The following FBRS variants were observed in gnomAD, a reference collection of about 807,000 sequenced individuals.
FBRS encodes probable fibrosin-1.
FBRS carries 15 observed loss-of-function variants against 86.1 expected under a neutral mutation model. The observed-to-expected ratio is 0.17, with a 90% CI of 0.12 to 0.27. The LOEUF is 0.27. Ranked by LOEUF, FBRS falls within the 10% of genes least tolerant of loss-of-function variation. FBRS has a pLI of 1.00. For missense variants in FBRS, 1,367 were observed against 1,301.6 expected (o/e 1.05, Z -0.77); for synonymous variants, 666 against 575.8 (o/e 1.16, Z -2.24).
At position 30,668,991 on chromosome 16, in the gene FBRS, A is replaced by ACCCCCCCCCCCCCCCCCCCCCCC; in HGVS notation, c.2366+15_2366+16insCCCCCCCCCCCCCCCCCCCCCCC. The ACCCCCCCCCCCCCCCCCCCCCCC allele has an allele frequency of 1.4e-6, 1 of 704,522 alleles. No homozygotes were observed. Among genetic ancestry groups the ACCCCCCCCCCCCCCCCCCCCCCC allele is most frequent in the Non-Finnish European group, 1.9e-6 (1 of 539,044 alleles). 43.6% of individuals were successfully genotyped at this position (704,522 alleles called of 1,614,324 possible). ...GAGGAGAAGGACAGGTGTGCCTCCC[A>ACCCCCCCCCCCCCCCCCCCCCCC]CCCACCCTGCCCCTGCCCCACCCTC... On this transcript the variant is annotated intron_variant, in intron 17 of 17. Coordinates refer to ENST00000356166, the MANE Select transcript of FBRS (RefSeq NM_001105079.3).
chr16:30,669,400 G>A lies in FBRS; in HGVS notation c.2698G>A (p.Ala900Thr), dbSNP rs1171737782. 1 of 1,612,700 alleles carries A rather than the reference G, an allele frequency of 6.2e-7. No individual in the cohort carries two copies. The change falls in exon 18 of 18, where the codon GCG becomes ACG. Residue 900 changes from alanine (A) to threonine (T), a missense_variant. Coordinates refer to ENST00000356166, the MANE Select transcript of FBRS (RefSeq NM_001105079.3). The surrounding 1 kb of genome is among the most constrained non-coding windows in gnomAD (Gnocchi z 5.9). Reference protein sequence around the residue: ...RLARPPRFYEAGEELTGPGAV... With the variant: ...RLARPPRFYETGEELTGPGAV... ...GGCAAGGCCACCCCGCTTCTATGAG[G>A]CGGGTGAGGAGCTAACTGGACCCGG... is the stretch of plus-strand genomic sequence containing the variant.
chr16:30,661,095 C>A, intron 2 of FBRS, 85 bp from the exon 3 acceptor site: 2 of 1,543,922 alleles, frequency 1.3e-6, no homozygotes, highest in Non-Finnish European at 1.7e-6. Context: ...ATCCTGGAGG[C>A]CCATGAGCGC....
intron 4 of FBRS, 75 bp downstream of exon 4, chr16:30,661,408 G>A: frequency 6.5e-7 from 1 of 1,549,666 alleles, no homozygotes; most frequent in Middle Eastern, 1.7e-4. Context: ...TCTTCTGCGT[G>A]CAGCAGACAG....
At position 30,667,565 on chromosome 16, in the gene FBRS, C is replaced by T; in HGVS notation, c.2017C>T (p.Pro673Ser). Residue 673 changes from proline to serine, a missense_variant, in exon 15 of 18, where the codon CCT becomes TCT. By Grantham distance (74) the Pro-to-Ser change is moderately conservative (BLOSUM62 -1). Coordinates refer to ENST00000356166, the MANE Select transcript of FBRS (RefSeq NM_001105079.3). ...AGGTGCCGTCCACGCTGCAGCCAAC[C>T]CTTTCACGGCAGCTCCCGGGGCCCA... The part of the protein sequence containing the change: ...ATGAVHAAAN[P>S]FTAAPGAHGP... The T allele has an allele frequency of 6.5e-7, 1 of 1,543,364 alleles. No individual in the cohort carries two copies. Among genetic ancestry groups the T allele is most frequent in the Non-Finnish European group, 8.7e-7 (1 of 1,143,050 alleles).
In FBRS at chr16:30,659,392, C is replaced by T. The variant is rs374084809; in HGVS notation, c.-127C>T. ...GCAAGCTCGGGGCCAGCAGATCCGG[C>T]TTTAAAGGAGAAGCCGTGGCCCTCT... is the stretch of plus-strand genomic sequence containing the variant. On this transcript the variant is annotated 5_prime_UTR_variant, in exon 1 of 18. Transcript: ENST00000356166. 18 of 200,504 alleles carry T rather than the reference C, an allele frequency of 9.0e-5. No individual in the cohort carries two copies. Among genetic ancestry groups the T allele is most frequent in the East Asian group, 8.3e-4 (7 of 8,438 alleles). 12.4% of individuals were successfully genotyped at this position (200,504 alleles called of 1,614,324 possible). A position where few individuals can be genotyped will look rare whatever the true frequency, so the allele number is the denominator to read the frequency against.
intron 6 of FBRS, chr16:30,663,083 G>A: frequency 1.1e-6 from 1 of 888,352 alleles, no homozygotes; most frequent in Non-Finnish European, 1.5e-6. Flanking sequence ...GTTTGCTGGT[G>A]AGAACGTTTT....
rs1185685775 is a variant in FBRS at position 30,660,224 on chromosome 16, C to T, written c.460-39C>T. On this transcript the variant is annotated intron_variant, in intron 1 of 17. Coordinates refer to ENST00000356166, the MANE Select transcript of FBRS (RefSeq NM_001105079.3). ...ACCCCTAGAGGGGTTGGGAGCTTGC[C>T]CTTTTCCATCTATCTCAGCCCCACC... The T allele has an allele frequency of 9.0e-6, 12 of 1,337,068 alleles. No individual in the cohort carries two copies. The South Asian group carries it at 1.8e-4, about 21-fold the overall frequency. 82.8% of individuals were successfully genotyped at this position (1,337,068 alleles called of 1,614,324 possible). A position where few individuals can be genotyped will look rare whatever the true frequency, so the allele number is the denominator to read the frequency against.
At chr16:30,660,001 A>T in intron 1 of FBRS, 24 bp downstream of exon 1, 2 of 1,537,846 alleles carry the variant, frequency 1.3e-6, no homozygotes, top group Non-Finnish European at 1.8e-6. Context: ...GGGCTAGGAG[A>T]CTTTGGGGGT....
chr16:30,666,342 T>C (rs1359348508), intron 11 of FBRS, 170 bp from the exon 12 acceptor site: 1 of 769,330 alleles, frequency 1.3e-6, no homozygotes, highest in South Asian at 1.7e-5. Flanking sequence ...GGAGGAGAGA[T>C]GCCTAGACTG....
chr16:30,661,649 C>T (rs916948550), intron 4 of FBRS, among the ~76,000 whole-genome samples: 12 of 152,236 alleles, frequency 7.9e-5, no homozygotes, highest in African/African-American at 2.6e-4. Flanking sequence ...GATGGGCCTT[C>T]TTCCCATCTT....
Position 30,670,673 on chromosome 16 carries a change from G to C in FBRS, c.*1028G>C, listed in dbSNP as rs1243452088. 1 of 156,856 alleles carries C rather than the reference G, an allele frequency of 6.4e-6. No homozygotes were observed. Among genetic ancestry groups the C allele is most frequent in the Non-Finnish European group, 1.4e-5 (1 of 69,868 alleles). 9.7% of individuals were successfully genotyped at this position (156,856 alleles called of 1,614,324 possible). A position where few individuals can be genotyped will look rare whatever the true frequency, so the allele number is the denominator to read the frequency against. On this transcript the variant is annotated 3_prime_UTR_variant, in exon 18 of 18. Coordinates refer to ENST00000356166, the MANE Select transcript of FBRS (RefSeq NM_001105079.3). ...CAACCCCAGCCTTCCCAAAGCAGCA[G>C]GCGCCTCCAGGCTGGGGCCCAACCT...
At chr16:30,668,446 T>C (rs2052547173) in intron 15 of FBRS, 114 bp from the exon 16 acceptor site, 4 of 892,660 alleles carry the variant, frequency 4.5e-6, no homozygotes, top group Non-Finnish European at 7.2e-6. Flanking sequence ...ACATGGCTGC[T>C]GAAAGCAGGC....
chr16:30,661,146 G>A (rs1169476766), intron 2 of FBRS, 34 bp from the exon 3 acceptor site: 2 of 1,550,036 alleles, frequency 1.3e-6, no homozygotes, highest in Middle Eastern at 1.8e-4. Context: ...CTCAGCAGCC[G>A]CCTCCCTCAC....
rs1378850269 is a variant in FBRS, at chr16:30,667,060, C to T, written c.1875+70C>T. On this transcript the variant is annotated intron_variant, in intron 13 of 17. Coordinates refer to ENST00000356166, the MANE Select transcript of FBRS (RefSeq NM_001105079.3). ...GGAGGACTGAGCTCTGGGCATTGGC[C>T]CTCAACAGAGCTCAGCAGAATCTTG... 8 of 1,445,918 alleles carry T rather than the reference C, an allele frequency of 5.5e-6. No homozygotes were observed. In the East Asian group the frequency reaches 1.9e-4, roughly 35 times the overall value. The allele number at this position is 1,445,918 out of a possible 1,614,324, so 89.6% of individuals were successfully genotyped here.
chr16:30,668,184 T>C (rs1164129672), intron 15 of FBRS: 1 of 240,708 alleles, frequency 4.2e-6, no homozygotes, highest in Non-Finnish European at 8.0e-6. Flanking sequence ...AGCGGAGATC[T>C]GCTGTGATGG....
At position 30,662,540 on chromosome 16, in the gene FBRS, C is replaced by T; in HGVS notation, c.755-19C>T. ...GAGCATGAGCCTCAACTGAGCATGT[C>T]TGCCATCCTGCCCCACAGCCTCGGG... On this transcript the variant is annotated intron_variant, in intron 5 of 17. Coordinates refer to ENST00000356166, the MANE Select transcript of FBRS (RefSeq NM_001105079.3). 9.7e-6 allele frequency: 15 copies of T among 1,548,350 alleles called. No individual in the cohort carries two copies. Among genetic ancestry groups the T allele is most frequent in the Non-Finnish European group, 1.3e-5 (15 of 1,145,358 alleles).
Position 30,665,124 on chromosome 16 carries a change from G to A in FBRS, c.1608+45G>A, listed in dbSNP as rs528213559. Reference sequence around the variant, plus strand: ...TGCGTATGGGGTGTGTGGTGTGGGCGTGGATGCATCCATGCTTGTGACCCT... The same window carrying A: ...TGCGTATGGGGTGTGTGGTGTGGGCATGGATGCATCCATGCTTGTGACCCT... On this transcript the variant is annotated intron_variant, in intron 9 of 17. Coordinates refer to ENST00000356166, the MANE Select transcript of FBRS (RefSeq NM_001105079.3). The surrounding 1 kb of genome is among the most constrained non-coding windows in gnomAD (Gnocchi z 4.1). 4.6e-5 allele frequency: 74 copies of A among 1,595,720 alleles called. No homozygotes were observed. In the East Asian group the frequency reaches 1.1e-3, roughly 24 times the overall value.
At chr16:30,661,242 C>T (rs769677546) in intron 3 of FBRS, 27 bp downstream of exon 3, 7 of 1,550,856 alleles carry the variant, frequency 4.5e-6, no homozygotes, top group Non-Finnish European at 6.1e-6. Flanking sequence ...TGTCCTGGCC[C>T]CTCCCTGCTC....
At chr16:30,664,551 C>T (rs1382642390) in intron 7 of FBRS, 35 bp downstream of exon 7, 1 of 1,424,846 alleles carries the variant, frequency 7.0e-7, no homozygotes, top group East Asian at 2.6e-5. Context: ...GGTGGGGGGC[C>T]ATCACCCCGG....
Sources: allele counts gnomAD v4.1 joint callset (sites outside exome capture counted in the v4.1 genomes callset), GRCh38; gene constraint gnomAD v4.1.1; non-coding constraint Gnocchi (gnomAD v3.1); transcripts MANE v1.5; gene names NCBI Gene and HGNC (gene_info 2026-07-23, HGNC 2026-07-21).